Variants in TATDN1 observed in about 807,000 individuals in gnomAD.
TATDN1 encodes TatD DNase domain containing 1.
A neutral mutation model predicts 46.4 loss-of-function variants in TATDN1; 40 were observed. The ratio of observed to expected loss-of-function variants is 0.86; its 90% CI spans 0.67 to 1.12. The LOEUF is 1.12. Among genes scored for constraint, TATDN1 ranks in the 50% most tolerant of loss-of-function variants. The pLI is 0.00. For synonymous variants in TATDN1, 95 were observed against 105.6 expected (o/e 0.90, Z 0.62); for missense variants, 326 against 348.4 (o/e 0.94, Z 0.51).
intron 4 of TATDN1, among the ~76,000 whole-genome samples, chr8:124,516,634 T>C (rs764462316): frequency 1.2e-4 from 18 of 151,748 alleles, no homozygotes; most frequent in Non-Finnish European, 1.8e-4. Context: ...ATATTCACCA[T>C]TCATGTGACT....
chr8:124,488,760 T>G, intron 11 of TATDN1, 64 bp from the exon 12 acceptor site: 2 of 983,066 alleles, frequency 2.0e-6, no homozygotes, highest in South Asian at 2.8e-5. Context: ...TAAAGCTATA[T>G]AATATTTTTC....
intron 4 of TATDN1, among the ~76,000 whole-genome samples, chr8:124,518,523 C>CA (rs11375686): frequency 0.24 from 19,516 of 82,744 alleles, 2,220 homozygotes; most frequent in South Asian, 0.41. Context: ...GACTCCGTCT[C>CA]AAAAAAAAAA....
chr8:124,511,564 G>C (rs746683425), intron 6 of TATDN1, among the ~76,000 whole-genome samples: 1 of 152,122 alleles, frequency 6.6e-6, no homozygotes, highest in Non-Finnish European at 1.5e-5. Flanking sequence ...CATAAGGCCA[G>C]GAAATTGAAA....
intron 6 of TATDN1, among the ~76,000 whole-genome samples, chr8:124,514,745 T>C (rs983742368): frequency 6.6e-6 from 1 of 152,224 alleles, no homozygotes; most frequent in African/African-American, 2.4e-5. Flanking sequence ...ACCAGTATGA[T>C]GACAGGAGCT....
Position 124,518,834 on chromosome 8 carries a change from A to G in TATDN1, c.186T>C (p.His62=), listed in dbSNP as rs370218570. Residue 62 remains histidine, a synonymous_variant, in exon 4 of 12, where the codon CAT becomes CAC. Transcript: ENST00000276692. ...GNLQDSKDAL[H]LAQTNGMFFS... ...TGAGGATACCATTTGTTTGTGCCAA[A>G]TGCAGTGCATCTTTACTGTCTTGTA... The G allele has an allele frequency of 1.2e-6, 2 of 1,611,712 alleles. No homozygotes were observed. Among genetic ancestry groups the G allele is most frequent in the African/African-American group, 2.7e-5 (2 of 74,998 alleles).
At chr8:124,517,741 G>A (rs532973851) in intron 4 of TATDN1, among the ~76,000 whole-genome samples, 1 of 152,196 alleles carries the variant, frequency 6.6e-6, no homozygotes, top group Admixed American at 6.5e-5. Context: ...CATAAAGCAA[G>A]GATATGAGAG....
intron 1 of TATDN1, among the ~76,000 whole-genome samples, chr8:124,532,347 A>C (rs1309646536): frequency 6.6e-6 from 1 of 152,142 alleles, no homozygotes; most frequent in Non-Finnish European, 1.5e-5. Flanking sequence ...GCAGTGGTGC[A>C]ATCTCAGCTC....
At chr8:124,512,868 G>A (rs779946128) in intron 6 of TATDN1, among the ~76,000 whole-genome samples, 2 of 152,142 alleles carry the variant, frequency 1.3e-5, no homozygotes, top group African/African-American at 2.4e-5. Context: ...CAGAGAATGT[G>A]GGTATTTGTT....
intron 1 of TATDN1, among the ~76,000 whole-genome samples, chr8:124,532,734 A>T (rs187512335): frequency 2.3e-4 from 35 of 152,328 alleles, no homozygotes; most frequent in Non-Finnish European, 3.5e-4. Context: ...GGCCCAAGTG[A>T]GGGGATGCTA....
intron 11 of TATDN1, chr8:124,489,837 A>G (rs925843021): frequency 1.3e-5 from 2 of 152,230 alleles, no homozygotes; most frequent in Non-Finnish European, 2.9e-5. Flanking sequence ...GAACATTTAA[A>G]TATTCTTTGC....
chr8:124,533,201 A>C (rs1049697266), intron 1 of TATDN1, among the ~76,000 whole-genome samples: 2 of 151,966 alleles, frequency 1.3e-5, no homozygotes, highest in Non-Finnish European at 2.9e-5. Flanking sequence ...GCAGTGAGCC[A>C]AGATGGCGCC....
chr8:124,503,598 T>C (rs1024489381), intron 9 of TATDN1, among the ~76,000 whole-genome samples: 2 of 152,178 alleles, frequency 1.3e-5, no homozygotes, highest in African/African-American at 2.4e-5. Flanking sequence ...TTTAAGGGTA[T>C]GAGACAATGA....
chr8:124,518,976 G>A, intron 3 of TATDN1, 95 bp from the exon 4 acceptor site: 3 of 810,352 alleles, frequency 3.7e-6, no homozygotes, highest in Non-Finnish European at 6.2e-6. Context: ...ATTCCAGAAT[G>A]CTCTTTCCTC....
chr8:124,517,685 C>T (rs1054772432), intron 4 of TATDN1, among the ~76,000 whole-genome samples: 14 of 152,224 alleles, frequency 9.2e-5, no homozygotes, highest in Admixed American at 5.9e-4. Context: ...CTTTAATAAT[C>T]AGTCTTAAAA....
At chr8:124,492,637 C>T (rs1817111818) in intron 11 of TATDN1, among the ~76,000 whole-genome samples, 1 of 151,492 alleles carries the variant, frequency 6.6e-6, no homozygotes, top group African/African-American at 2.4e-5. Flanking sequence ...GCCTATAGTT[C>T]CAGCTACTTG....
intron 8 of TATDN1, 127 bp downstream of exon 8, chr8:124,508,347 A>C: frequency 1.4e-6 from 1 of 708,572 alleles, no homozygotes; most frequent in Non-Finnish European, 2.3e-6. Flanking sequence ...CAGAAAGCAA[A>C]GGTGTCATTA....
At chr8:124,532,940 G>A (rs1442217752) in intron 1 of TATDN1, among the ~76,000 whole-genome samples, 1 of 152,204 alleles carries the variant, frequency 6.6e-6, no homozygotes, top group African/African-American at 2.4e-5. Flanking sequence ...CAGTCTTTGG[G>A]TGCGTTAATC....
At position 124,532,026 on chromosome 8, in the gene TATDN1, A is replaced by G. The variant is rs553911987; in HGVS notation, c.22+6999T>C. ...GACTCCAAGACTGTCTTTTGTGAAA[A>G]TAAGTCTGGAAAGGTCTTCAGATGG... On this transcript the variant is annotated intron_variant, in intron 1 of 11. Coordinates refer to ENST00000276692, the MANE Select transcript of TATDN1 (RefSeq NM_032026.4). Among the ~76,000 whole-genome samples, 28 of 152,164 alleles carry G rather than the reference A, an allele frequency of 1.8e-4. No homozygotes were observed. In the South Asian group the frequency reaches 2.7e-3, roughly 15 times the overall value.
chr8:124,512,912 G>T (rs942367212), intron 6 of TATDN1, among the ~76,000 whole-genome samples: 1 of 151,960 alleles, frequency 6.6e-6, no homozygotes, highest in Non-Finnish European at 1.5e-5. Flanking sequence ...ATTGTTACTA[G>T]TGTGTCTTTT....
Sources: allele counts gnomAD v4.1 joint callset (sites outside exome capture counted in the v4.1 genomes callset), GRCh38; gene constraint gnomAD v4.1.1; transcripts MANE v1.5; gene names NCBI Gene and HGNC (gene_info 2026-07-23, HGNC 2026-07-21).